ZNF541: variants seen among roughly 807,000 people sequenced by gnomAD.
ZNF541 encodes the protein zinc finger protein 541.
ZNF541 carries 23 observed loss-of-function variants against 123.5 expected under a neutral mutation model. That is an observed-to-expected ratio of 0.19 (90% confidence interval 0.13 to 0.26). The LOEUF (loss-of-function observed/expected upper bound fraction) is 0.26, where lower values mean the gene tolerates loss of function less well. Ranked by LOEUF, ZNF541 falls within the 10% of genes least tolerant of loss-of-function variation. ZNF541 has a pLI of 1.00. For synonymous variants in ZNF541, 751 were observed against 754.5 expected (o/e 1.00, Z 0.08); for missense variants, 1,612 against 1,789.9 (o/e 0.90, Z 1.79).
In ZNF541 at chr19:47,544,754, G is replaced by T. The variant is rs1429237037; in HGVS notation, c.1775C>A (p.Pro592Gln). The T allele has an allele frequency of 1.3e-5, 20 of 1,501,980 alleles. No homozygotes were observed. The highest frequency in any genetic ancestry group is 1.8e-5 in the Non-Finnish European group (20 of 1,127,928). 93.0% of individuals were successfully genotyped at this position (1,501,980 alleles called of 1,614,324 possible). A position where few individuals can be genotyped will look rare whatever the true frequency, so the allele number is the denominator to read the frequency against. Residue 592 changes from proline to glutamine, a missense_variant, in exon 5 of 17, where the codon CCG (proline) becomes CAG (glutamine). Pro to Gln is a moderately conservative substitution (Grantham distance 76). Transcript: ENST00000391901. ...CTGCTGCGGCCACGGCCCCTGCAGCGGCCTCAGGGCGGCTGGTTTGCCCTC... is the reference window on the plus strand; with the variant it reads ...CTGCTGCGGCCACGGCCCCTGCAGCTGCCTCAGGGCGGCTGGTTTGCCCTC... ...APEGKPAALR[P>Q]LQGPWPQQPP...
chr19:47,566,619 A>G (rs889687591), intron 2 of ZNF541, among the ~76,000 whole-genome samples: 2 of 151,714 alleles, frequency 1.3e-5, no homozygotes, highest in African/African-American at 2.4e-5. Context: ...AGTGGCACTC[A>G]CCTGTAGTAC....
intron 9 of ZNF541, among the ~76,000 whole-genome samples, 192 bp from the exon 10 acceptor site, chr19:47,533,164 C>G (rs1446671684): frequency 1.3e-5 from 2 of 151,170 alleles, no homozygotes; most frequent in Non-Finnish European, 2.9e-5. Flanking sequence ...GTCAGGAGAT[C>G]AAGACCATCC....
intron 14 of ZNF541, 132 bp from the exon 15 acceptor site, chr19:47,522,126 C>T (rs1265595599): frequency 2.5e-6 from 3 of 1,216,538 alleles, no homozygotes; most frequent in Non-Finnish European, 3.4e-6. Flanking sequence ...CGTTACCACT[C>T]ACCACAAAGG....
rs1568501086 is a variant in ZNF541 at position 47,545,099 on chromosome 19, G to A, written c.1430C>T (p.Ala477Val). 3.4e-6 allele frequency: 5 copies of A among 1,480,692 alleles called. No individual in the cohort carries two copies. The highest frequency in any genetic ancestry group is 2.3e-5 in the Admixed American group (1 of 42,930). 91.7% of individuals were successfully genotyped at this position (1,480,692 alleles called of 1,614,324 possible). A position where few individuals can be genotyped will look rare whatever the true frequency, so the allele number is the denominator to read the frequency against. The change falls in exon 5 of 17, where the codon GCG (alanine) becomes GTG (valine). Residue 477 changes from alanine (A) to valine (V), a missense_variant. This residue lies in a region of ZNF541 where 1,080 missense variants were observed against 1,013.8 expected (regional missense o/e 1.07). Transcript: ENST00000391901. The surrounding 1 kb of genome is among the most constrained non-coding windows in gnomAD (Gnocchi z 7.5). ...GGCCTCCGCGGGGACCCTGAGGAGCGCGGCAGGGAAGGGCAGAGCATCCTC... is the reference window on the plus strand; with the variant it reads ...GGCCTCCGCGGGGACCCTGAGGAGCACGGCAGGGAAGGGCAGAGCATCCTC... ...GLEDALPFPA[A>V]LLRVPAEAPS...
intron 1 of ZNF541, among the ~76,000 whole-genome samples, 95 bp downstream of exon 1, chr19:47,572,988 T>G (rs1281599200): frequency 1.3e-5 from 2 of 149,290 alleles, no homozygotes; most frequent in African/African-American, 2.5e-5. Context: ...CGAATGAGAT[T>G]GTAAAAAGGG....
intron 14 of ZNF541, among the ~76,000 whole-genome samples, chr19:47,526,083 G>T (rs952977622): frequency 1.3e-5 from 2 of 152,128 alleles, no homozygotes; most frequent in Non-Finnish European, 2.9e-5. Flanking sequence ...AAAAGACATT[G>T]TTAAGAGATT....
intron 3 of ZNF541, among the ~76,000 whole-genome samples, chr19:47,552,116 C>A (rs1475726208): frequency 6.6e-6 from 1 of 152,158 alleles, no homozygotes; most frequent in African/African-American, 2.4e-5. Flanking sequence ...CCTCAGCCTC[C>A]CAAAGTGCTG....
intron 9 of ZNF541, among the ~76,000 whole-genome samples, chr19:47,536,059 A>C (rs1969804636): frequency 6.6e-6 from 1 of 152,208 alleles, no homozygotes; most frequent in Admixed American, 6.5e-5. Flanking sequence ...AAATATAGGG[A>C]TATGTCTGGC....
rs1003647933 is a variant in ZNF541, at chr19:47,544,600, C to T, written c.1929G>A (p.Thr643=). Residue 643 remains threonine, a synonymous_variant, in exon 5 of 17, where the codon ACG becomes ACA. Transcript: ENST00000391901. ...TCAGTCCCCCCTTTGCGTCTCGTCT[C>T]GTGCTGCCGGGGGAGGCCTCTCTGG... The part of the protein sequence containing the change: ...GVPREASPGS[T]RRDAKGGLKV... 1.1e-5 allele frequency: 17 copies of T among 1,550,822 alleles called. 1 individual carries two copies. In the Admixed American group the frequency reaches 2.6e-4, roughly 23 times the overall value.
intron 12 of ZNF541, among the ~76,000 whole-genome samples, chr19:47,531,391 CCT>C (rs1969565266): frequency 6.6e-6 from 1 of 151,956 alleles, no homozygotes; most frequent in Non-Finnish European, 1.5e-5. Context: ...TCCAGTGCCC[CCT>C]GAGATCTCAG....
At chr19:47,557,773 T>C (rs762859064) in intron 2 of ZNF541, among the ~76,000 whole-genome samples, 43 of 151,702 alleles carry the variant, frequency 2.8e-4, no homozygotes, top group Non-Finnish European at 5.0e-4. Flanking sequence ...TGGGAGCTTA[T>C]AGACTTTTAC....
chr19:47,537,314 A>G (rs1312149667), intron 9 of ZNF541, among the ~76,000 whole-genome samples: 3 of 152,218 alleles, frequency 2.0e-5, no homozygotes, highest in Non-Finnish European at 4.4e-5. Context: ...CTGTAATCCC[A>G]GCACTTTGGG....
Position 47,539,225 on chromosome 19 carries a change from G to C in ZNF541, c.2796+480C>G, listed in dbSNP as rs572523166. ...CCAGCACCACCCAGCACAGGGCCTG[G>C]CACAGAGGGGCTCAGTGAATGCTGA... On this transcript the variant is annotated intron_variant, in intron 8 of 16. Transcript: ENST00000391901. Among the ~76,000 whole-genome samples, 6 of 152,126 alleles carry C rather than the reference G, an allele frequency of 3.9e-5. No homozygotes were observed. The East Asian group carries it at 1.2e-3, about 29-fold the overall frequency.
At chr19:47,539,269 A>G (rs1021685418) in intron 8 of ZNF541, among the ~76,000 whole-genome samples, 3 of 151,612 alleles carry the variant, frequency 2.0e-5, no homozygotes, top group Non-Finnish European at 4.4e-5. Flanking sequence ...ATTAACATGC[A>G]AACCAGGTTC....
intron 8 of ZNF541, 185 bp from the exon 9 acceptor site, chr19:47,538,624 G>T: frequency 1.7e-6 from 1 of 579,836 alleles, no homozygotes; most frequent in Non-Finnish European, 2.9e-6. Flanking sequence ...CGATGATCCG[G>T]CTGCAGCCTT....
intron 9 of ZNF541, among the ~76,000 whole-genome samples, chr19:47,536,398 C>G (rs145097749): frequency 6.6e-6 from 1 of 152,152 alleles, no homozygotes; most frequent in African/African-American, 2.4e-5. Flanking sequence ...CCACCATGCT[C>G]GTCTAATTTT....
At chr19:47,540,031 GC>G in intron 7 of ZNF541, 144 bp downstream of exon 7, 1 of 1,415,748 alleles carries the variant, frequency 7.1e-7, no homozygotes, top group Non-Finnish European at 9.4e-7. Flanking sequence ...GCAATGGCCT[GC>G]CCCTGGAGAG....
At position 47,521,836 on chromosome 19, in the gene ZNF541, C is replaced by T. The variant is rs1969046981; in HGVS notation, c.3711+18G>A. On this transcript the variant is annotated intron_variant, in intron 15 of 16. Coordinates refer to ENST00000391901, the MANE Select transcript of ZNF541 (RefSeq NM_001277075.3). The surrounding 1 kb of genome is among the most constrained non-coding windows in gnomAD (Gnocchi z 4.2). ...TGGGAGGAGAGAAGAGCTCCCGACACAGCCCTGGTTCCTCTACCTTTTCCT... is the reference window on the plus strand; with the variant it reads ...TGGGAGGAGAGAAGAGCTCCCGACATAGCCCTGGTTCCTCTACCTTTTCCT... 1 of 1,549,922 alleles carries T rather than the reference C, an allele frequency of 6.5e-7. No homozygotes were observed. Among genetic ancestry groups the T allele is most frequent in the East Asian group, 2.4e-5 (1 of 40,898 alleles).
In ZNF541 at chr19:47,558,332, T is replaced by C. The variant is rs1477631306; in HGVS notation, c.-98-2378A>G. On this transcript the variant is annotated intron_variant, in intron 2 of 16. Transcript: ENST00000391901. Reference sequence around the variant, plus strand: ...TCGGGAGGCTGAGGCAGGAGAATGGTATGAACCCAGGAGGCGGAGCTTGCA... The same window carrying C: ...TCGGGAGGCTGAGGCAGGAGAATGGCATGAACCCAGGAGGCGGAGCTTGCA... Among the ~76,000 whole-genome samples, 4 of 151,558 alleles carry C rather than the reference T, an allele frequency of 2.6e-5. No individual in the cohort carries two copies. In the East Asian group the frequency reaches 5.9e-4, roughly 22 times the overall value.
Sources: gnomAD v4.1 joint callset for allele counts (sites outside exome capture counted in the v4.1 genomes callset) on GRCh38, gnomAD v4.1.1 for gene constraint, gnomAD v4.1.1 regional missense constraint, Gnocchi (gnomAD v3.1) non-coding constraint, MANE v1.5 for transcripts, NCBI Gene and HGNC (gene_info 2026-07-23, HGNC 2026-07-21) for gene names.